The following SCUBE3 variants were observed in gnomAD, a reference collection of about 807,000 sequenced individuals.
The protein encoded by SCUBE3 is signal peptide, CUB and EGF-like domain-containing protein 3.
A neutral mutation model predicts 116.8 loss-of-function variants in SCUBE3; 33 were observed. The ratio of observed to expected loss-of-function variants is 0.28; its 90% CI spans 0.21 to 0.38. The LOEUF (loss-of-function observed/expected upper bound fraction) is 0.38, where lower values mean the gene tolerates loss of function less well. SCUBE3 is among the 10% of genes least tolerant of loss of function. The probability of loss-of-function intolerance (pLI) is 1.00; values close to 1 mark genes in which losing one functional copy is unlikely to be tolerated. For missense variants in SCUBE3, 1,007 were observed against 1,324.8 expected (o/e 0.76, Z 3.72); for synonymous variants, 418 against 496.9 (o/e 0.84, Z 2.11).
chr6:35,245,294 A>G lies in SCUBE3; in HGVS notation c.2468A>G (p.Asn823Ser). ...ATTGAGTCCCCCAACTACCCGGGCA[A>G]CTACCCAGCTGGTGTGGAGTGCATC... ...GYIESPNYPG[N>S]YPAGVECIWN... Residue 823 changes from asparagine to serine, a missense_variant, in exon 19 of 22, where the codon AAC (asparagine) becomes AGC (serine). By Grantham distance (46) the Asn-to-Ser change is conservative. Coordinates refer to ENST00000274938, the MANE Select transcript of SCUBE3 (RefSeq NM_152753.4). The surrounding 1 kb of genome is among the most constrained non-coding windows in gnomAD (Gnocchi z 4.2). The G allele has an allele frequency of 6.2e-7, 1 of 1,614,174 alleles. No individual in the cohort carries two copies.
intron 3 of SCUBE3, among the ~76,000 whole-genome samples, chr6:35,230,614 GA>G (rs1783506367): frequency 6.6e-6 from 1 of 152,174 alleles, no homozygotes; most frequent in Non-Finnish European, 1.5e-5. Context: ...GGGATGGGGA[GA>G]AGTCAAGAGA....
chr6:35,218,142 G>C, intron 1 of SCUBE3: 1 of 985,322 alleles, frequency 1.0e-6, no homozygotes, highest in Non-Finnish European at 1.2e-6. Context: ...GAGAGCATGA[G>C]AACCGGTTTG....
rs2150276270 is a variant in SCUBE3, at chr6:35,214,319, C to T, written c.-100C>T. Reference sequence around the variant, plus strand: ...CCCCGGCCTGGCCCCGGCGGGGCGCCCCCTCCCCTCCCCCTCCTGCGAGCT... The same window carrying T: ...CCCCGGCCTGGCCCCGGCGGGGCGCTCCCTCCCCTCCCCCTCCTGCGAGCT... On this transcript the variant is annotated 5_prime_UTR_variant, in exon 1 of 22. Transcript: ENST00000274938. This position sits in a 1 kb window ranked among gnomAD's most constrained non-coding sequence, Gnocchi z 6.3. The T allele has an allele frequency of 1.5e-6, 1 of 647,926 alleles. No individual in the cohort carries two copies. The highest frequency in any genetic ancestry group is 3.7e-5 in the East Asian group (1 of 27,380). 40.1% of individuals were successfully genotyped at this position (647,926 alleles called of 1,614,324 possible). A position where few individuals can be genotyped will look rare whatever the true frequency, so the allele number is the denominator to read the frequency against.
chr6:35,234,905 A>G (rs1255916463), intron 6 of SCUBE3, among the ~76,000 whole-genome samples: 1 of 152,194 alleles, frequency 6.6e-6, no homozygotes, highest in Non-Finnish European at 1.5e-5. Context: ...GGCAGAAAAG[A>G]CCAAATGAGG....
intron 1 of SCUBE3, among the ~76,000 whole-genome samples, chr6:35,217,819 GTTC>G (rs1192038827): frequency 2.6e-5 from 4 of 152,182 alleles, no homozygotes; most frequent in Non-Finnish European, 5.9e-5. Flanking sequence ...TCTTTAGTCA[GTTC>G]CCTCTAAGCC....
chr6:35,227,331 C>G (rs1413166574), intron 1 of SCUBE3, among the ~76,000 whole-genome samples: 3 of 152,150 alleles, frequency 2.0e-5, no homozygotes, highest in African/African-American at 7.2e-5. Flanking sequence ...AGGAGTGTTT[C>G]GAATGATGGA....
chr6:35,225,666 T>A (rs1340517499), intron 1 of SCUBE3, among the ~76,000 whole-genome samples: 3 of 151,966 alleles, frequency 2.0e-5, no homozygotes, highest in African/African-American at 7.3e-5. Flanking sequence ...TGAGGCAGGG[T>A]GTTTGGGGAT....
rs150725422 is a variant in SCUBE3 at position 35,245,306 on chromosome 6, G to C, written c.2480G>C (p.Gly827Ala). 6.2e-7 allele frequency: 1 copy of C among 1,613,922 alleles called. No individual in the cohort carries two copies. The highest frequency in any genetic ancestry group is 2.2e-5 in the East Asian group (1 of 44,894). Residue 827 changes from glycine (G) to alanine (A), a missense_variant, in exon 19 of 22, where the codon GGT (glycine) becomes GCT (alanine). Physicochemically the swap from Gly to Ala is moderately conservative, Grantham distance 60 (BLOSUM62 0). Around this residue, in one of 5 missense-constraint regions of SCUBE3, gnomAD observed 544 missense variants for 638.9 expected, o/e 0.85. Transcript: ENST00000274938. This position sits in a 1 kb window ranked among gnomAD's most constrained non-coding sequence, Gnocchi z 4.2. ...AACTACCCGGGCAACTACCCAGCTG[G>C]TGTGGAGTGCATCTGGAACATCAAC... ...SPNYPGNYPA[G>A]VECIWNINPP...
At chr6:35,248,212 T>TC (rs1301246873) in intron 21 of SCUBE3, among the ~76,000 whole-genome samples, 1 of 152,194 alleles carries the variant, frequency 6.6e-6, no homozygotes, top group African/African-American at 2.4e-5. Context: ...ACTACAGTAC[T>TC]CCAAGTCAGA....
rs1017575500 is a variant in SCUBE3 at position 35,231,491 on chromosome 6, T to C, written c.335-234T>C. Among the ~76,000 whole-genome samples the C allele has an allele frequency of 1.3e-5, 2 of 152,174 alleles. No individual in the cohort carries two copies. Among genetic ancestry groups the C allele is most frequent in the African/African-American group, 4.8e-5 (2 of 41,442 alleles). On this transcript the variant is annotated intron_variant, in intron 3 of 21. Transcript: ENST00000274938. The surrounding 1 kb of genome is among the most constrained non-coding windows in gnomAD (Gnocchi z 4.2). Reference sequence around the variant, plus strand: ...GAGGCATGGCTTCACCTAGGTGACATTTGAGGTTCAAAGGTCCCCTTTTCC... The same window carrying C: ...GAGGCATGGCTTCACCTAGGTGACACTTGAGGTTCAAAGGTCCCCTTTTCC...
At position 35,243,183 on chromosome 6, in the gene SCUBE3, C is replaced by T. The variant is rs747156119; in HGVS notation, c.1856C>T (p.Ala619Val). 2.5e-6 allele frequency: 4 copies of T among 1,614,212 alleles called. No individual in the cohort carries two copies. The highest frequency in any genetic ancestry group is 2.5e-6 in the Non-Finnish European group (3 of 1,180,042). ...HKPGLVAGERAEPMESCRPGQ... is the reference protein window; with the variant it reads ...HKPGLVAGERVEPMESCRPGQ... ...CCGGGCCTGGTAGCCGGGGAGCGAG[C>T]AGAGCCGATGGAGTCCTGTAGGCCC... Residue 619 changes from alanine (A) to valine (V), a missense_variant, in exon 15 of 22, where the codon GCA (alanine) becomes GTA (valine). Ala to Val is a moderately conservative substitution (Grantham distance 64, BLOSUM62 0). Transcript: ENST00000274938. The surrounding 1 kb of genome is among the most constrained non-coding windows in gnomAD (Gnocchi z 6.6).
rs780765761 is a variant in SCUBE3, at chr6:35,243,577, G to A, written c.1910-17G>A. 1.1e-5 allele frequency: 18 copies of A among 1,584,240 alleles called. No individual in the cohort carries two copies. The highest frequency in any genetic ancestry group is 2.3e-5 in the East Asian group (1 of 43,374). ...AAATGCGGGGGTGGGTGGCTAGCGC[G>A]GCCGACTCTCCCTCAGTCAGCTGCC... On this transcript the variant is annotated splice_polypyrimidine_tract_variant and intron_variant, in intron 15 of 21. Coordinates refer to ENST00000274938, the MANE Select transcript of SCUBE3 (RefSeq NM_152753.4). The surrounding 1 kb of genome is among the most constrained non-coding windows in gnomAD (Gnocchi z 6.6).
rs557659988 is a variant in SCUBE3, at chr6:35,232,662, T to G, written c.470-188T>G. 6.6e-6 allele frequency among the ~76,000 whole-genome samples: 1 copy of G among 152,330 alleles called. No individual in the cohort carries two copies. Among genetic ancestry groups the G allele is most frequent in the South Asian group, 2.1e-4 (1 of 4,832 alleles). ...TACATCATTCAGAACAGCTCTGTGC[T>G]CTGCTCATGAGCACCCAGGTCTGTG... is the stretch of plus-strand genomic sequence containing the variant. On this transcript the variant is annotated intron_variant, in intron 4 of 21. Coordinates refer to ENST00000274938, the MANE Select transcript of SCUBE3 (RefSeq NM_152753.4). The surrounding 1 kb of genome is among the most constrained non-coding windows in gnomAD (Gnocchi z 4.2).
chr6:35,243,914 G>A lies in SCUBE3; in HGVS notation c.2072-49G>A, dbSNP rs1297309987. 3.8e-6 allele frequency: 6 copies of A among 1,588,074 alleles called. No homozygotes were observed. Among genetic ancestry groups the A allele is most frequent in the Admixed American group, 1.7e-5 (1 of 58,846 alleles). On this transcript the variant is annotated intron_variant, in intron 16 of 21. Coordinates refer to ENST00000274938, the MANE Select transcript of SCUBE3 (RefSeq NM_152753.4). The surrounding 1 kb of genome is among the most constrained non-coding windows in gnomAD (Gnocchi z 6.6). The stretch of plus-strand genomic sequence containing the variant: ...CCCTGAGATCGGGTGACCCCATGGG[G>A]ATGACTCAGGACCATCCCCATCAGA...
In SCUBE3 at chr6:35,244,843, G is replaced by C; in HGVS notation, c.2401+32G>C. 1 of 1,608,206 alleles carries C rather than the reference G, an allele frequency of 6.2e-7. No homozygotes were observed. Among genetic ancestry groups the C allele is most frequent in the Non-Finnish European group, 8.5e-7 (1 of 1,174,858 alleles). On this transcript the variant is annotated intron_variant, in intron 18 of 21. Coordinates refer to ENST00000274938, the MANE Select transcript of SCUBE3 (RefSeq NM_152753.4). The surrounding 1 kb of genome is among the most constrained non-coding windows in gnomAD (Gnocchi z 4.3). Reference sequence around the variant, plus strand: ...GGCAAGCCAGGCTGTGCAAAAGGGAGGAGAGAGGCCTGGGAGCAGTGGACA... The same window carrying C: ...GGCAAGCCAGGCTGTGCAAAAGGGACGAGAGAGGCCTGGGAGCAGTGGACA...
intron 1 of SCUBE3, among the ~76,000 whole-genome samples, chr6:35,216,264 G>A (rs981420226): frequency 1.3e-5 from 2 of 152,214 alleles, no homozygotes; most frequent in African/African-American, 4.8e-5. Context: ...GTACTCCAGG[G>A]CTTCCACTTT....
At chr6:35,248,225 CAGT>C (rs1784431003) in intron 21 of SCUBE3, among the ~76,000 whole-genome samples, 2 of 152,134 alleles carry the variant, frequency 1.3e-5, no homozygotes, top group Admixed American at 6.5e-5. Context: ...AAGTCAGAGA[CAGT>C]GGTGGCTTGG....
rs769981032 is a variant in SCUBE3 at position 35,233,244 on chromosome 6, C to G, written c.655C>G (p.Pro219Ala). ...CACGTGTGATGACACAGAGCAGGGT[C>G]CCCGGTGCGGCTGCCATATCAAGTT... ...QHTCDDTEQG[P>A]RCGCHIKFVL... Residue 219 changes from proline (P) to alanine (A), a missense_variant, in exon 6 of 22, where the codon CCC (proline) becomes GCC (alanine). Physicochemically the swap from Pro to Ala is conservative, Grantham distance 27. Coordinates refer to ENST00000274938, the MANE Select transcript of SCUBE3 (RefSeq NM_152753.4). The surrounding 1 kb of genome is among the most constrained non-coding windows in gnomAD (Gnocchi z 5.7). 1.2e-6 allele frequency: 2 copies of G among 1,613,296 alleles called. No homozygotes were observed. Among genetic ancestry groups the G allele is most frequent in the Non-Finnish European group, 1.7e-6 (2 of 1,179,440 alleles).
In SCUBE3 at chr6:35,214,439, C is replaced by T; in HGVS notation, c.21C>T (p.Pro7=). Residue 7 remains proline (P), a synonymous_variant, in exon 1 of 22, where the codon CCC becomes CCT. Coordinates refer to ENST00000274938, the MANE Select transcript of SCUBE3 (RefSeq NM_152753.4). The surrounding 1 kb of genome is among the most constrained non-coding windows in gnomAD (Gnocchi z 6.3). ...CAGCCATGGGCTCGGGGCGCGTACC[C>T]GGGCTCTGCCTGCTTGTCCTGCTGG... MGSGRV[P]GLCLLVLLVH... 6 of 1,484,568 alleles carry T rather than the reference C, an allele frequency of 4.0e-6. No homozygotes were observed. Among genetic ancestry groups the T allele is most frequent in the Non-Finnish European group, 5.4e-6 (6 of 1,120,430 alleles). 92.0% of individuals were successfully genotyped at this position (1,484,568 alleles called of 1,614,324 possible).
Sources: allele counts gnomAD v4.1 joint callset (sites outside exome capture counted in the v4.1 genomes callset), GRCh38; gene constraint gnomAD v4.1.1; regional missense constraint gnomAD v4.1.1; non-coding constraint Gnocchi (gnomAD v3.1); transcripts MANE v1.5; gene names NCBI Gene and HGNC (gene_info 2026-07-23, HGNC 2026-07-21).